RGS12: variants seen among roughly 807,000 people sequenced by gnomAD.
The protein encoded by RGS12 is regulator of G protein signaling 12, also known as regulator of G-protein signaling 12.
A neutral mutation model predicts 120.1 loss-of-function variants in RGS12; 66 were observed. The observed-to-expected ratio is 0.55, with a 90% CI of 0.45 to 0.67. The LOEUF (loss-of-function observed/expected upper bound fraction) is 0.67. RGS12 is among the 30% of genes least tolerant of loss of function. The probability of loss-of-function intolerance (pLI) is 0.00; values close to 1 mark genes in which losing one functional copy is unlikely to be tolerated. For synonymous variants in RGS12, 827 were observed against 804.7 expected (o/e 1.03, Z -0.47); for missense variants, 1,859 against 1,957.7 (o/e 0.95, Z 0.95).
At chr4:3,334,675 A>G (rs1165146283) in intron 2 of RGS12, among the ~76,000 whole-genome samples, 1 of 152,108 alleles carries the variant, frequency 6.6e-6, no homozygotes, top group Admixed American at 6.5e-5. Context: ...TTTATTTAAA[A>G]ATTTTAAAAT....
chr4:3,423,310 A>G (rs567055050), intron 12 of RGS12, among the ~76,000 whole-genome samples: 3 of 152,322 alleles, frequency 2.0e-5, no homozygotes, highest in South Asian at 2.1e-4. Flanking sequence ...GGACACTGCT[A>G]TCCCTGGAGG....
chr4:3,335,647 C>T (rs1396705911), intron 2 of RGS12, among the ~76,000 whole-genome samples: 1 of 152,206 alleles, frequency 6.6e-6, no homozygotes, highest in Non-Finnish European at 1.5e-5. Flanking sequence ...CTTCTGGCCC[C>T]TCAGAAACAA....
chr4:3,325,144 G>A lies in RGS12; in HGVS notation c.1881+7093G>A, dbSNP rs995412033. On this transcript the variant is annotated intron_variant, in intron 2 of 17. Transcript: ENST00000336727. ...GAGAGTGGGAATTTTCTTGGGAGGA[G>A]TTTTCTGAAAGGTGATTTATGCATG... 5.3e-5 allele frequency among the ~76,000 whole-genome samples: 8 copies of A among 152,186 alleles called. No individual in the cohort carries two copies. In the East Asian group the frequency reaches 1.2e-3, roughly 22 times the overall value.
Position 3,343,035 on chromosome 4 carries a change from C to T in RGS12, c.1980C>T (p.Arg660=). Residue 660 remains arginine, a synonymous_variant, in exon 3 of 18, where the codon CGC becomes CGT. Coordinates refer to ENST00000336727, the MANE Select transcript of RGS12 (RefSeq NM_001394154.1). ...GATCCAAGAGATTCAGTATCACTCG[C>T]TCCCTTGATGATCTTGAGGTAATTT... ...FGRSKRFSIT[R]SLDDLESATV... The T allele has an allele frequency of 1.2e-6, 2 of 1,608,668 alleles. No individual in the cohort carries two copies. Among genetic ancestry groups the T allele is most frequent in the Non-Finnish European group, 8.5e-7 (1 of 1,175,310 alleles).
At chr4:3,432,149 A>G (rs1577107315) in intron 17 of RGS12, 1 of 985,444 alleles carries the variant, frequency 1.0e-6, no homozygotes, top group Non-Finnish European at 1.2e-6. Context: ...TTCTTCCAGG[A>G]GTAATAAATT....
rs564231432 is a variant in RGS12 at position 3,390,112 on chromosome 4, A to G, written c.2020+3675A>G. Among the ~76,000 whole-genome samples the G allele has an allele frequency of 4.5e-4, 68 of 152,106 alleles. No individual in the cohort carries two copies. Among genetic ancestry groups the G allele is most frequent in the African/African-American group, 1.5e-3 (63 of 41,470 alleles). Reference sequence around the variant, plus strand: ...CCCAGCCCCTGCACTGGACCCCTCCACCAGCTCAGAGCCCCTGTTCCCCCA... The same window carrying G: ...CCCAGCCCCTGCACTGGACCCCTCCGCCAGCTCAGAGCCCCTGTTCCCCCA... On this transcript the variant is annotated intron_variant, in intron 4 of 17. Coordinates refer to ENST00000336727, the MANE Select transcript of RGS12 (RefSeq NM_001394154.1). The surrounding 1 kb of genome is among the most constrained non-coding windows in gnomAD (Gnocchi z 4.6).
At chr4:3,409,665 C>G (rs1416306534) in intron 4 of RGS12, among the ~76,000 whole-genome samples, 1 of 152,226 alleles carries the variant, frequency 6.6e-6, no homozygotes, top group African/African-American at 2.4e-5. Context: ...CCCATCTCCC[C>G]TCCACCGGCA....
chr4:3,345,483 T>G (rs1050760346), intron 3 of RGS12, among the ~76,000 whole-genome samples: 4 of 152,214 alleles, frequency 2.6e-5, no homozygotes, highest in Non-Finnish European at 5.9e-5. Flanking sequence ...GGTGCTGGGA[T>G]GGAGCTGTCC....
chr4:3,361,164 A>G (rs1331689255), intron 3 of RGS12, among the ~76,000 whole-genome samples: 1 of 152,196 alleles, frequency 6.6e-6, no homozygotes, highest in African/African-American at 2.4e-5. Flanking sequence ...ATGCAAGAGA[A>G]CGCACCTGTG....
At chr4:3,379,615 G>C (rs985770127) in intron 3 of RGS12, among the ~76,000 whole-genome samples, 2 of 152,098 alleles carry the variant, frequency 1.3e-5, no homozygotes, top group African/African-American at 2.4e-5. Context: ...ACATGGCTGG[G>C]GAGGCCTCAG....
rs147592303 is a variant in RGS12 at position 3,317,749 on chromosome 4, G to A, written c.1579G>A (p.Val527Met). 1.9e-5 allele frequency: 30 copies of A among 1,613,450 alleles called. No homozygotes were observed. The highest frequency in any genetic ancestry group is 1.2e-4 in the African/African-American group (9 of 74,946). The change falls in exon 2 of 18, where the codon GTG becomes ATG. Residue 527 changes from valine to methionine, a missense_variant. Physicochemically the swap from Val to Met is conservative, Grantham distance 21. Transcript: ENST00000336727. ...AGTCCCCCCTTCCAAGAGGGGCACC[G>A]TGGGTGCTGGCTGTGGTTTCAACCA... ...SSVPPSKRGTVGAGCGFNQRW... is the reference protein window; with the variant it reads ...SSVPPSKRGTMGAGCGFNQRW...
In RGS12 at chr4:3,389,294, G is replaced by A. The variant is rs570794099; in HGVS notation, c.2020+2857G>A. 6.6e-6 allele frequency among the ~76,000 whole-genome samples: 1 copy of A among 152,284 alleles called. No homozygotes were observed. Among genetic ancestry groups the A allele is most frequent in the Admixed American group, 6.5e-5 (1 of 15,298 alleles). On this transcript the variant is annotated intron_variant, in intron 4 of 17. Coordinates refer to ENST00000336727, the MANE Select transcript of RGS12 (RefSeq NM_001394154.1). The surrounding 1 kb of genome is among the most constrained non-coding windows in gnomAD (Gnocchi z 5.2). ...AAGGGTTACAGCTGGTCTCTGGGGG[G>A]CACGGCAGGGCTGTGGGTGGGGGCA...
rs527612478 is a variant in RGS12, at chr4:3,296,961, G to A, written c.-102+3862G>A. On this transcript the variant is annotated intron_variant, in intron 1 of 17. Coordinates refer to ENST00000336727, the MANE Select transcript of RGS12 (RefSeq NM_001394154.1). ...ACAGTGCTCATGCAGTTTTACCTGT[G>A]GTTTTGGGGGCCACCGTTGCAGAAG... 8.5e-4 allele frequency among the ~76,000 whole-genome samples: 130 copies of A among 152,302 alleles called. 1 individual carries two copies. The South Asian group carries it at 0.011, about 13-fold the overall frequency.
chr4:3,314,156 C>T (rs1055710006), intron 1 of RGS12: 1 of 151,572 alleles, frequency 6.6e-6, no homozygotes, highest in African/African-American at 2.4e-5. Context: ...AATTTATATT[C>T]ATTTTTTACT....
At chr4:3,370,159 G>T (rs1230184133) in intron 3 of RGS12, 2 of 1,559,894 alleles carry the variant, frequency 1.3e-6, no homozygotes, top group Admixed American at 1.7e-5. Context: ...CGAAGGGAGC[G>T]AGAGGGAACT....
chr4:3,326,517 G>A (rs1318187783), intron 2 of RGS12, among the ~76,000 whole-genome samples: 1 of 152,194 alleles, frequency 6.6e-6, no homozygotes, highest in Non-Finnish European at 1.5e-5. Flanking sequence ...AAAGTGCTGG[G>A]AAGTGTGAGC....
At chr4:3,427,735 CAAAAAAA>C (rs1723804198) in intron 14 of RGS12, among the ~76,000 whole-genome samples, 1 of 148,134 alleles carries the variant, frequency 6.8e-6, no homozygotes, top group Non-Finnish European at 1.5e-5. Flanking sequence ...GACTCTGTCT[CAAAAAAA>C]GAAAAAAAAG....
In RGS12 at chr4:3,416,043, C is replaced by T; in HGVS notation, c.2349C>T (p.Asn783=). The T allele has an allele frequency of 6.2e-7, 1 of 1,614,056 alleles. No individual in the cohort carries two copies. Among genetic ancestry groups the T allele is most frequent in the African/African-American group, 1.3e-5 (1 of 75,034 alleles). Residue 783 remains asparagine, a synonymous_variant, in exon 7 of 18, where the codon AAC becomes AAT. Coordinates refer to ENST00000336727, the MANE Select transcript of RGS12 (RefSeq NM_001394154.1). ...FLCSKATTPV[N]IDSQAQLADD... ...GCAGCAAAGCCACCACCCCGGTCAACATCGACAGCCAGGCCCAGCTAGCAG... is the reference window on the plus strand; with the variant it reads ...GCAGCAAAGCCACCACCCCGGTCAATATCGACAGCCAGGCCCAGCTAGCAG...
chr4:3,435,249 A>C (rs1476599477), intron 17 of RGS12, among the ~76,000 whole-genome samples: 1 of 151,904 alleles, frequency 6.6e-6, no homozygotes, highest in Non-Finnish European at 1.5e-5. Context: ...CACGCCCCTC[A>C]CCCTGGGGGT....
Sources: gnomAD v4.1 joint callset for allele counts (sites outside exome capture counted in the v4.1 genomes callset) on GRCh38, gnomAD v4.1.1 for gene constraint, Gnocchi (gnomAD v3.1) non-coding constraint, MANE v1.5 for transcripts, NCBI Gene and HGNC (gene_info 2026-07-23, HGNC 2026-07-21) for gene names.